GAS7: variants seen among roughly 807,000 people sequenced by gnomAD.
The protein encoded by GAS7 is growth arrest-specific protein 7.
GAS7 carries 28 observed loss-of-function variants against 71.1 expected under a neutral mutation model. The observed-to-expected ratio is 0.39, with a 90% confidence interval of 0.29 to 0.54. The LOEUF (loss-of-function observed/expected upper bound fraction) is 0.54, where lower values mean the gene tolerates loss of function less well. GAS7 is among the 20% of genes least tolerant of loss of function. The probability of loss-of-function intolerance (pLI) is 0.62; values close to 1 mark genes in which losing one functional copy is unlikely to be tolerated. For synonymous variants in GAS7, 258 were observed against 245.8 expected, an observed-to-expected ratio of 1.05 and a Z score of -0.46; for missense variants, 436 against 627.8, an observed-to-expected ratio of 0.69 and a Z score of 3.27.
chr17:10,138,876 T>C (rs567532854), intron 1 of GAS7, among the ~76,000 whole-genome samples: 3 of 152,348 alleles, frequency 2.0e-5, no homozygotes, highest in African/African-American at 7.2e-5. Flanking sequence ...TGGATTTCAA[T>C]ATTCTATCCT....
chr17:10,190,360 G>A (rs767149237), intron 1 of GAS7, among the ~76,000 whole-genome samples: 19 of 152,120 alleles, frequency 1.2e-4, no homozygotes, highest in Admixed American at 5.2e-4. Flanking sequence ...CAAGGCGGGC[G>A]GATCATGAGG....
At chr17:10,156,993 T>C (rs2074210372) in intron 1 of GAS7, among the ~76,000 whole-genome samples, 1 of 152,146 alleles carries the variant, frequency 6.6e-6, no homozygotes, top group African/African-American at 2.4e-5. Context: ...TGGTGACCAC[T>C]TCCTCCTAAC....
chr17:10,097,738 G>A (rs1384477342), intron 1 of GAS7, among the ~76,000 whole-genome samples: 2 of 152,060 alleles, frequency 1.3e-5, no homozygotes, highest in East Asian at 3.9e-4. Flanking sequence ...GTCAGGGGGT[G>A]GGTGGTAAAA....
intron 1 of GAS7, among the ~76,000 whole-genome samples, chr17:10,090,895 A>G (rs2073575030): frequency 1.3e-5 from 2 of 152,156 alleles, no homozygotes; most frequent in Admixed American, 1.3e-4. Flanking sequence ...ACACTTCGAC[A>G]TGCTGGAGAG....
At chr17:10,064,979 C>T (rs2073265750) in intron 1 of GAS7, among the ~76,000 whole-genome samples, 1 of 147,974 alleles carries the variant, frequency 6.8e-6, no homozygotes, top group South Asian at 2.1e-4. Flanking sequence ...TGCCACCACA[C>T]CTAGTGAATT....
intron 1 of GAS7, among the ~76,000 whole-genome samples, chr17:10,182,347 A>G (rs2074422937): frequency 6.6e-6 from 1 of 152,116 alleles, no homozygotes; most frequent in African/African-American, 2.4e-5. Flanking sequence ...TTTAGTAGAG[A>G]TGGGGTTTCA....
Position 9,967,597 on chromosome 17 carries a change from A to G in GAS7, c.471+2080T>C, listed in dbSNP as rs1215886269. ...TTCTGCCAAATAAGACTGACTATAT[A>G]TGCAATGTGTGTCCTACTTTTTTTT... On this transcript the variant is annotated intron_variant, in intron 4 of 13. Coordinates refer to ENST00000432992, the MANE Select transcript of GAS7 (RefSeq NM_201433.2). 2.0e-5 allele frequency among the ~76,000 whole-genome samples: 3 copies of G among 147,416 alleles called. No homozygotes were observed. The East Asian group carries it at 5.9e-4, about 29-fold the overall frequency.
chr17:9,952,516 C>T (rs747774869), intron 5 of GAS7, among the ~76,000 whole-genome samples: 13 of 152,108 alleles, frequency 8.5e-5, no homozygotes, highest in Non-Finnish European at 1.5e-4. Flanking sequence ...TTCAGCCTCG[C>T]GAGTAGCTGG....
intron 1 of GAS7, among the ~76,000 whole-genome samples, chr17:10,063,823 A>G (rs1197701763): frequency 1.3e-5 from 2 of 152,112 alleles, no homozygotes; most frequent in Admixed American, 6.5e-5. Context: ...TGCTTCCTTC[A>G]AGACACTCAG....
Position 10,167,044 on chromosome 17 carries a change from C to CTTTTTTTTTTTT in GAS7, c.183+31152_183+31163dup, listed in dbSNP as rs1164151104. Among the ~76,000 whole-genome samples, 356 of 58,804 alleles carry CTTTTTTTTTTTT rather than the reference C, an allele frequency of 6.1e-3. 68 individuals are homozygous for CTTTTTTTTTTTT. The highest frequency in any genetic ancestry group is 0.013 in the East Asian group (25 of 1,968). 38.6% of individuals were successfully genotyped at this position (58,804 alleles called of 152,430 possible). On this transcript the variant is annotated intron_variant, in intron 1 of 13. Coordinates refer to ENST00000432992, the MANE Select transcript of GAS7 (RefSeq NM_201433.2). Reference sequence around the variant, plus strand: ...AAACCAATCTACTATTTCCATTTGTCTTTTTTTTTTTTTTTTTTTTTTTTT... The same window carrying CTTTTTTTTTTTT: ...AAACCAATCTACTATTTCCATTTGTCTTTTTTTTTTTTTTTTTTTTTTTTTTTTTTTTTTTTT...
chr17:10,163,795 G>A lies in GAS7; in HGVS notation c.183+34413C>T, dbSNP rs143647217. ...GCTCATGTTGAGTTACAGAGACCTG[G>A]GATACATACCTCTTTCTATCTGGGT... On this transcript the variant is annotated intron_variant, in intron 1 of 13. Transcript: ENST00000432992. Among the ~76,000 whole-genome samples the A allele has an allele frequency of 2.6e-3, 394 of 152,078 alleles. 3 individuals carry two copies. Among genetic ancestry groups the A allele is most frequent in the African/African-American group, 8.9e-3 (371 of 41,470 alleles).
intron 1 of GAS7, among the ~76,000 whole-genome samples, chr17:10,183,917 G>A (rs61598307): frequency 0.41 from 62,619 of 151,590 alleles, 13,360 homozygotes; most frequent in African/African-American, 0.53. Context: ...GGATTTGTAC[G>A]CAGACCTGCC....
chr17:10,157,799 A>T (rs11868337), intron 1 of GAS7, among the ~76,000 whole-genome samples: 30,335 of 152,080 alleles, frequency 0.2, 3,189 homozygotes, highest in African/African-American at 0.25. Flanking sequence ...TCACCCTTAG[A>T]CACACACAAT....
At chr17:10,127,019 G>A (rs1369850879) in intron 1 of GAS7, among the ~76,000 whole-genome samples, 1 of 152,226 alleles carries the variant, frequency 6.6e-6, no homozygotes, top group Admixed American at 6.5e-5. Flanking sequence ...GTTGGAGCCA[G>A]CCTGCTGGTA....
At chr17:10,005,515 A>G (rs2071495750) in intron 2 of GAS7, among the ~76,000 whole-genome samples, 1 of 151,266 alleles carries the variant, frequency 6.6e-6, no homozygotes, top group African/African-American at 2.5e-5. Context: ...AAAAAATGGC[A>G]GGTAGTGGTA....
chr17:9,917,748 G>A (rs1283908032), intron 13 of GAS7, among the ~76,000 whole-genome samples: 2 of 152,112 alleles, frequency 1.3e-5, no homozygotes, highest in Admixed American at 6.5e-5. Flanking sequence ...TAACTGTTAC[G>A]AGCTTCTTTC....
intron 2 of GAS7, among the ~76,000 whole-genome samples, chr17:10,017,848 A>G (rs2072104574): frequency 6.6e-6 from 1 of 152,006 alleles, no homozygotes; most frequent in Admixed American, 6.6e-5. Context: ...AAGTTCACTG[A>G]CCCCTGGCCT....
At chr17:10,136,997 C>T (rs1220488585) in intron 1 of GAS7, among the ~76,000 whole-genome samples, 1 of 152,080 alleles carries the variant, frequency 6.6e-6, no homozygotes, top group South Asian at 2.1e-4. Context: ...ACCTGTAGTC[C>T]CAGCTACCCA....
chr17:10,064,618 A>T (rs1346071386), intron 1 of GAS7, among the ~76,000 whole-genome samples: 1 of 152,212 alleles, frequency 6.6e-6, no homozygotes, highest in African/African-American at 2.4e-5. Context: ...CTATGACAAG[A>T]TGCAAGCCTG....
Sources: gnomAD v4.1 joint callset for allele counts (sites outside exome capture counted in the v4.1 genomes callset) on GRCh38, gnomAD v4.1.1 for gene constraint, MANE v1.5 for transcripts, NCBI Gene and HGNC (gene_info 2026-07-23, HGNC 2026-07-21) for gene names.